UBE3D: variants seen among roughly 807,000 people sequenced by gnomAD.
The protein encoded by UBE3D is E3 ubiquitin-protein ligase E3D.
UBE3D carries 48 observed loss-of-function variants against 49.6 expected under a neutral mutation model. That is an observed-to-expected ratio of 0.97 (90% CI 0.77 to 1.23). UBE3D has a LOEUF of 1.23. Ranked by LOEUF, UBE3D falls within the 50% of genes most tolerant of loss-of-function variation. The pLI, the probability that UBE3D is intolerant of heterozygous loss-of-function variation, is 0.00. For missense variants in UBE3D, 452 were observed against 468.4 expected, an observed-to-expected ratio of 0.96 and a Z score of 0.32; for synonymous variants, 189 against 174.2, an observed-to-expected ratio of 1.08 and a Z score of -0.67.
At chr6:83,035,693 T>C (rs1782197728) in intron 5 of UBE3D, among the ~76,000 whole-genome samples, 1 of 152,210 alleles carries the variant, frequency 6.6e-6, no homozygotes, top group South Asian at 2.1e-4. Flanking sequence ...TTACTATTCC[T>C]CTATTAATTA....
chr6:82,951,217 A>G (rs1007873758), intron 9 of UBE3D, among the ~76,000 whole-genome samples: 3 of 152,196 alleles, frequency 2.0e-5, no homozygotes, highest in Admixed American at 1.3e-4. Context: ...CATGTAACCC[A>G]TAAATATATA....
intron 8 of UBE3D, among the ~76,000 whole-genome samples, chr6:82,959,300 C>T (rs1199033151): frequency 6.6e-6 from 1 of 150,722 alleles, no homozygotes; most frequent in South Asian, 2.1e-4. Flanking sequence ...TGTAAAATAT[C>T]TTCCTCTCTG....
chr6:82,986,689 C>T (rs1778536309), intron 8 of UBE3D, among the ~76,000 whole-genome samples: 1 of 147,688 alleles, frequency 6.8e-6, no homozygotes, highest in Non-Finnish European at 1.5e-5. Flanking sequence ...ATCTTTTATA[C>T]ATATGCGTGA....
At chr6:82,917,803 C>T (rs1773032895) in intron 9 of UBE3D, among the ~76,000 whole-genome samples, 1 of 152,200 alleles carries the variant, frequency 6.6e-6, no homozygotes, top group African/African-American at 2.4e-5. Context: ...AACCTCAACA[C>T]AGAACTCTCA....
intron 9 of UBE3D, among the ~76,000 whole-genome samples, chr6:82,932,807 C>A (rs958768920): frequency 3.3e-5 from 5 of 152,104 alleles, no homozygotes; most frequent in African/African-American, 1.2e-4. Context: ...CTGATTACTA[C>A]CCAATTGCCA....
At chr6:82,962,901 T>C (rs1776655447) in intron 8 of UBE3D, among the ~76,000 whole-genome samples, 1 of 152,194 alleles carries the variant, frequency 6.6e-6, no homozygotes, top group South Asian at 2.1e-4. Flanking sequence ...TTGAGCAATC[T>C]TATTTTTGAA....
intron 8 of UBE3D, among the ~76,000 whole-genome samples, chr6:82,973,638 T>C (rs1189257953): frequency 6.6e-6 from 1 of 152,156 alleles, no homozygotes; most frequent in Non-Finnish European, 1.5e-5. Flanking sequence ...TTAATCCACA[T>C]TCTGTTCATT....
chr6:83,055,926 T>C (rs1783787274), intron 2 of UBE3D, among the ~76,000 whole-genome samples: 1 of 152,206 alleles, frequency 6.6e-6, no homozygotes, highest in African/African-American at 2.4e-5. Flanking sequence ...ACACCATCTA[T>C]TATATGGAAA....
At position 82,948,255 on chromosome 6, in the gene UBE3D, A is replaced by T. The variant is rs185514754; in HGVS notation, c.1149+9057T>A. 2.1e-3 allele frequency among the ~76,000 whole-genome samples: 322 copies of T among 152,168 alleles called. 2 individuals are homozygous for T. Among genetic ancestry groups the T allele is most frequent in the African/African-American group, 7.1e-3 (297 of 41,586 alleles). On this transcript the variant is annotated intron_variant, in intron 9 of 9. Transcript: ENST00000369747. The stretch of plus-strand genomic sequence containing the variant: ...ATTAATGGCTACTATGAGCAGCTAT[A>T]TGCCAATAAATAGGAAAATCTAGAA...
chr6:83,018,761 A>G (rs981393474), intron 8 of UBE3D: 2 of 554,458 alleles, frequency 3.6e-6, no homozygotes, highest in East Asian at 7.0e-5. Flanking sequence ...AAAAACAATA[A>G]TTTTTGGTAA....
chr6:82,944,011 T>C (rs1477087360), intron 9 of UBE3D, among the ~76,000 whole-genome samples: 1 of 151,976 alleles, frequency 6.6e-6, no homozygotes, highest in African/African-American at 2.4e-5. Context: ...TGGGCTGAAG[T>C]GCTCTGGGGC....
chr6:83,052,938 T>C (rs1783566477), intron 3 of UBE3D, among the ~76,000 whole-genome samples: 1 of 152,122 alleles, frequency 6.6e-6, no homozygotes, highest in Non-Finnish European at 1.5e-5. Flanking sequence ...TCAACTAAGG[T>C]AGAGGCACTG....
At chr6:82,985,549 A>G (rs1582551630) in intron 8 of UBE3D, among the ~76,000 whole-genome samples, 1 of 152,134 alleles carries the variant, frequency 6.6e-6, no homozygotes, top group East Asian at 1.9e-4. Flanking sequence ...ATTTTTGTAG[A>G]GACGATGTTT....
Position 83,065,801 on chromosome 6 carries a change from G to A in UBE3D, c.-83C>T. On this transcript the variant is annotated 5_prime_UTR_variant, in exon 1 of 10. Transcript: ENST00000369747. ...CAGGACCAGGAGAGGTTCCACGTGCGGACCAACCAGCGGCAGCCCCGCTGC... is the reference window on the plus strand; with the variant it reads ...CAGGACCAGGAGAGGTTCCACGTGCAGACCAACCAGCGGCAGCCCCGCTGC... The A allele has an allele frequency of 7.2e-7, 1 of 1,390,092 alleles. No individual in the cohort carries two copies. Among genetic ancestry groups the A allele is most frequent in the East Asian group, 2.5e-5 (1 of 39,490 alleles). 86.1% of individuals were successfully genotyped at this position (1,390,092 alleles called of 1,614,324 possible).
intron 8 of UBE3D, among the ~76,000 whole-genome samples, chr6:82,974,149 T>C (rs1221050287): frequency 6.6e-6 from 1 of 152,222 alleles, no homozygotes; most frequent in African/African-American, 2.4e-5. Context: ...TTGCAATTAC[T>C]TTTGCACCAA....
the UBE3D span, among the ~76,000 whole-genome samples, chr6:82,886,851 T>C: frequency 4.6e-5 from 7 of 152,224 alleles, no homozygotes; most frequent in Admixed American, 3.9e-4. Flanking sequence ...ACTTTTCAGA[T>C]GGTATTGAAT....
At chr6:82,920,724 C>T (rs1173810899) in intron 9 of UBE3D, among the ~76,000 whole-genome samples, 1 of 152,178 alleles carries the variant, frequency 6.6e-6, no homozygotes, top group African/African-American at 2.4e-5. Flanking sequence ...TACTTTTTCA[C>T]TTATTTCCTT....
intron 8 of UBE3D, among the ~76,000 whole-genome samples, chr6:82,958,333 G>A (rs1359633812): frequency 1.3e-5 from 2 of 151,964 alleles, no homozygotes; most frequent in Non-Finnish European, 2.9e-5. Flanking sequence ...TCTGATCTGC[G>A]ACCAAAGTGT....
chr6:83,035,430 A>T (rs971585532), intron 5 of UBE3D, among the ~76,000 whole-genome samples: 1 of 152,150 alleles, frequency 6.6e-6, no homozygotes, highest in African/African-American at 2.4e-5. Flanking sequence ...AGACTTTGTT[A>T]TTTGCAAAAT....
Sources: allele counts gnomAD v4.1 joint callset (sites outside exome capture counted in the v4.1 genomes callset), GRCh38; gene constraint gnomAD v4.1.1; transcripts MANE v1.5; gene names NCBI Gene and HGNC (gene_info 2026-07-23, HGNC 2026-07-21).